SGCD: variants seen among roughly 807,000 people sequenced by gnomAD.
SGCD encodes sarcoglycan delta.
Under a neutral mutation model 36.6 loss-of-function variants are expected in SGCD, and 18 were observed. The ratio of observed to expected loss-of-function variants is 0.49; its 90% CI spans 0.34 to 0.73. The LOEUF is 0.73. SGCD is among the 30% of genes least tolerant of loss of function. The pLI is 0.01. For synonymous variants in SGCD, 133 were observed against 130.6 expected, an observed-to-expected ratio of 1.02 and a Z score of -0.12; for missense variants, 387 against 346.7, an observed-to-expected ratio of 1.12 and a Z score of -0.92.
chr5:156,504,717 T>C (rs1388697417), intron 3 of SGCD, among the ~76,000 whole-genome samples: 3 of 152,138 alleles, frequency 2.0e-5, no homozygotes, highest in Non-Finnish European at 4.4e-5. Flanking sequence ...AGTAACATAA[T>C]AATTTTCAGC....
chr5:156,752,293 G>C (rs570538808), intron 7 of SGCD, among the ~76,000 whole-genome samples: 1 of 152,324 alleles, frequency 6.6e-6, no homozygotes, highest in South Asian at 2.1e-4. Flanking sequence ...GTTACTCCCG[G>C]GGGGAAGGAA....
chr5:156,705,934 T>TG (rs1754722234), intron 7 of SGCD, among the ~76,000 whole-genome samples: 1 of 152,166 alleles, frequency 6.6e-6, no homozygotes, highest in Admixed American at 6.5e-5. Flanking sequence ...TCATGGTGAG[T>TG]TCAAATATGT....
chr5:156,119,405 C>T (rs1198866126), intron 2 of SGCD, among the ~76,000 whole-genome samples: 1 of 152,112 alleles, frequency 6.6e-6, no homozygotes, highest in Non-Finnish European at 1.5e-5. Context: ...TGTCTCCAAA[C>T]TCAATTTCCT....
At chr5:156,589,448 T>TGTTGTGTTGAGAAAGAGAA in intron 5 of SGCD, 130 bp downstream of exon 5, 1 of 596,336 alleles carries the variant, frequency 1.7e-6, no homozygotes, top group Non-Finnish European at 3.0e-6. Context: ...AAAGAGAATG[T>TGTTGTGTTGAGAAAGAGAA]AGCATGTGTT....
Position 156,707,893 on chromosome 5 carries a change from TAACA to T in SGCD, c.576-49687_576-49684del, listed in dbSNP as rs1482458366. ...CTGTGAGCTGTATTTTCTTCAACAA[TAACA>T]GAAGAGATTGGACTATGTCAGTGTT... On this transcript the variant is annotated intron_variant, in intron 7 of 8. Coordinates refer to ENST00000337851, the MANE Select transcript of SGCD (RefSeq NM_000337.6). Among the ~76,000 whole-genome samples, 4 of 152,296 alleles carry T rather than the reference TAACA, an allele frequency of 2.6e-5. No individual in the cohort carries two copies. In the South Asian group the frequency reaches 8.3e-4, roughly 32 times the overall value.
At chr5:155,937,399 A>G (rs2113402963) in intron 1 of SGCD, among the ~76,000 whole-genome samples, 1 of 152,352 alleles carries the variant, frequency 6.6e-6, no homozygotes, top group African/African-American at 2.4e-5. Flanking sequence ...TACTTTCTCA[A>G]AAACTATAAT....
chr5:155,753,279 G>A, the SGCD span, among the ~76,000 whole-genome samples: 1 of 150,800 alleles, frequency 6.6e-6, no homozygotes, highest in African/African-American at 2.5e-5. Context: ...GGAGGTTGCA[G>A]TGAGCCGAGA....
intron 4 of SGCD, among the ~76,000 whole-genome samples, chr5:156,525,146 A>G (rs1757590645): frequency 6.6e-6 from 1 of 152,092 alleles, no homozygotes; most frequent in African/African-American, 2.4e-5. Flanking sequence ...AGGACGCTCC[A>G]TGCAGTTTTC....
chr5:156,637,228 A>G (rs1414824662), intron 6 of SGCD, among the ~76,000 whole-genome samples: 1 of 152,100 alleles, frequency 6.6e-6, no homozygotes, highest in African/African-American at 2.4e-5. Context: ...ATCCCCCTCC[A>G]CCATGATTGT....
At chr5:155,884,755 C>T (rs1755967106) in intron 1 of SGCD, among the ~76,000 whole-genome samples, 1 of 152,178 alleles carries the variant, frequency 6.6e-6, no homozygotes, top group African/African-American at 2.4e-5. Context: ...TTACTTAAAA[C>T]TCTGTGAACC....
intron 3 of SGCD, among the ~76,000 whole-genome samples, chr5:156,349,699 A>G (rs2127720808): frequency 6.6e-6 from 1 of 152,014 alleles, no homozygotes; most frequent in Admixed American, 6.5e-5. Flanking sequence ...TTTCAAAGAC[A>G]TCAAAGTAGA....
At chr5:155,769,008 T>A in the SGCD span, among the ~76,000 whole-genome samples, 1 of 152,144 alleles carries the variant, frequency 6.6e-6, no homozygotes, top group Non-Finnish European at 1.5e-5. Context: ...GAAAATATCC[T>A]AAATAACCAT....
At chr5:156,244,669 G>C (rs916939750) in intron 3 of SGCD, among the ~76,000 whole-genome samples, 1 of 152,176 alleles carries the variant, frequency 6.6e-6, no homozygotes. Flanking sequence ...TGAACAAAAA[G>C]TTTAAAAGCC....
chr5:156,054,276 C>T (rs1207258663), intron 1 of SGCD, among the ~76,000 whole-genome samples: 4 of 117,518 alleles, frequency 3.4e-5, no homozygotes, highest in Non-Finnish European at 5.4e-5. Flanking sequence ...TAAACATGAA[C>T]TTTCCTTCTT....
chr5:155,811,066 C>G, the SGCD span, among the ~76,000 whole-genome samples: 1,022 of 151,888 alleles, frequency 6.7e-3, 10 homozygotes, highest in Middle Eastern at 0.017. Context: ...ATCCGCCCGC[C>G]TCGGCCTCCC....
the SGCD span, among the ~76,000 whole-genome samples, chr5:155,778,748 A>G: frequency 0.86 from 131,264 of 152,186 alleles, 56,730 homozygotes; most frequent in East Asian, 0.99. Flanking sequence ...CTTCCTACTT[A>G]ATTATTACTT....
intron 1 of SGCD, among the ~76,000 whole-genome samples, chr5:155,918,193 A>G (rs1756795098): frequency 6.6e-6 from 1 of 152,230 alleles, no homozygotes; most frequent in Non-Finnish European, 1.5e-5. Context: ...CATTTATACA[A>G]GAGAAAAAGA....
At chr5:155,960,420 T>C (rs754665669) in intron 1 of SGCD, among the ~76,000 whole-genome samples, 4 of 152,076 alleles carry the variant, frequency 2.6e-5, no homozygotes, top group Admixed American at 6.6e-5. Context: ...GCCAGTCTTC[T>C]GTTTGAGGCA....
Position 156,415,472 on chromosome 5 carries a change from C to A in SGCD, c.192+70795C>A, listed in dbSNP as rs201064644. On this transcript the variant is annotated intron_variant, in intron 3 of 8. Transcript: ENST00000337851. ...ACGTGGTCTCAGGTGGGTGTGACAG[C>A]TCTATAGGTCCCTACTGACCCTGAG... 2.0e-5 allele frequency among the ~76,000 whole-genome samples: 3 copies of A among 152,294 alleles called. No individual in the cohort carries two copies. In the East Asian group the frequency reaches 5.8e-4, roughly 29 times the overall value.
Sources: allele counts gnomAD v4.1 joint callset (sites outside exome capture counted in the v4.1 genomes callset), GRCh38; gene constraint gnomAD v4.1.1; transcripts MANE v1.5; gene names NCBI Gene and HGNC (gene_info 2026-07-23, HGNC 2026-07-21).